TMEM121B: variants seen among roughly 807,000 people sequenced by gnomAD.
The protein encoded by TMEM121B is cat eye syndrome chromosome region, candidate 6.
In TMEM121B, 14 loss-of-function variants were observed where a neutral mutation model predicts 25.1. The observed-to-expected ratio is 0.56, with a 90% CI of 0.37 to 0.87. The LOEUF (loss-of-function observed/expected upper bound fraction) is 0.87. TMEM121B is among the 40% of genes least tolerant of loss of function. The probability of loss-of-function intolerance (pLI) is 0.00; values close to 1 mark genes in which losing one functional copy is unlikely to be tolerated. For synonymous variants in TMEM121B, 458 were observed against 420.9 expected (o/e 1.09, Z -1.08); for missense variants, 850 against 854.6 (o/e 0.99, Z 0.07).
chr22:17,120,336 G>A lies in TMEM121B; in HGVS notation c.792C>T (p.His264=), dbSNP rs764391754. The A allele has an allele frequency of 6.6e-7, 1 of 1,526,096 alleles. No individual in the cohort carries two copies. Among genetic ancestry groups the A allele is most frequent in the Non-Finnish European group, 8.7e-7 (1 of 1,143,642 alleles). The allele number at this position is 1,526,096 out of a possible 1,614,324, so 94.5% of individuals were successfully genotyped here. A position where few individuals can be genotyped will look rare whatever the true frequency, so the allele number is the denominator to read the frequency against. ...GCGGCGCGGCGTGGTGGTGGTGCAG[G>A]TGGTGGTTGTGCGCGCCGCTGGCTG... ...GGAASGAHNH[H]LHHHHAAPPL... Residue 264 remains histidine, a synonymous_variant, in exon 1 of 1, where the codon CAC becomes CAT. Coordinates refer to ENST00000331437, the MANE Select transcript of TMEM121B (RefSeq NM_031890.4).
Position 17,119,938 on chromosome 22 carries a change from A to G in TMEM121B, c.1190T>C (p.Leu397Pro), listed in dbSNP as rs2061489183. ...PQRHRAAGCF[L>P]GTCLDLLDSF... ...GTCGAGCAGGTCCAAGCACGTGCCCAGGAAGCATCCGGCCGCGCGGTGCCG... is the reference window on the plus strand; with the variant it reads ...GTCGAGCAGGTCCAAGCACGTGCCCGGGAAGCATCCGGCCGCGCGGTGCCG... The change falls in exon 1 of 1, where the codon CTG becomes CCG. Residue 397 changes from leucine (L) to proline (P), a missense_variant. Transcript: ENST00000331437. 6.4e-7 allele frequency: 1 copy of G among 1,572,790 alleles called. No individual in the cohort carries two copies. The highest frequency in any genetic ancestry group is 8.6e-7 in the Non-Finnish European group (1 of 1,165,302).
chr22:17,120,944 C>T lies in TMEM121B; in HGVS notation c.184G>A (p.Gly62Ser). The change falls in exon 1 of 1, where the codon GGC (glycine) becomes AGC (serine). Residue 62 changes from glycine to serine, a missense_variant. By Grantham distance (56) the Gly-to-Ser change is moderately conservative (BLOSUM62 0). Transcript: ENST00000331437. ...TSRGGGGGRR[G>S]GGGGSPSSST... ...CTGCTCGGGGAGCCGCCGCCCCCGC[C>T]GCGTCTGCCGCCGCCTCCCCCGCGG... 3 of 1,413,694 alleles carry T rather than the reference C, an allele frequency of 2.1e-6. No homozygotes were observed. The highest frequency in any genetic ancestry group is 2.8e-6 in the Non-Finnish European group (3 of 1,085,760). 87.6% of individuals were successfully genotyped at this position (1,413,694 alleles called of 1,614,324 possible).
Position 17,121,081 on chromosome 22 carries a change from C to G in TMEM121B, c.47G>C (p.Gly16Ala). ...GGCTGCCGGGGGCGGCGGGAAGGAA[C>G]CGGACGCGGAGGAGACCGAGCGAGG... ...GHPRSVSSAS[G>A]SFPPPPAAAR... The change falls in exon 1 of 1, where the codon GGT (glycine) becomes GCT (alanine). Residue 16 changes from glycine to alanine, a missense_variant. By Grantham distance (60) the Gly-to-Ala change is moderately conservative. Coordinates refer to ENST00000331437, the MANE Select transcript of TMEM121B (RefSeq NM_031890.4). 6.9e-7 allele frequency: 1 copy of G among 1,446,200 alleles called. No homozygotes were observed. The highest frequency in any genetic ancestry group is 9.1e-7 in the Non-Finnish European group (1 of 1,100,040). The allele number at this position is 1,446,200 out of a possible 1,614,324, so 89.6% of individuals were successfully genotyped here.
chr22:17,120,964 C>A lies in TMEM121B; in HGVS notation c.164G>T (p.Gly55Val). Residue 55 changes from glycine (G) to valine (V), a missense_variant, in exon 1 of 1, where the codon GGG (glycine) becomes GTG (valine). By Grantham distance (109) the Gly-to-Val change is moderately radical (BLOSUM62 -3). Transcript: ENST00000331437. ...CCCGCCGCGTCTGCCGCCGCCTCCC[C>A]CGCGGCTGGTGCTGGTGCTGGTGCT... ...DSSTSTSTSR[G>V]GGGGRRGGGG... The A allele has an allele frequency of 7.0e-7, 1 of 1,426,468 alleles. No homozygotes were observed. Among genetic ancestry groups the A allele is most frequent in the Admixed American group, 2.7e-5 (1 of 37,064 alleles). The allele number at this position is 1,426,468 out of a possible 1,614,324, so 88.4% of individuals were successfully genotyped here.
In TMEM121B at chr22:17,119,969, G is replaced by A; in HGVS notation, c.1159C>T (p.Pro387Ser). The A allele has an allele frequency of 6.3e-7, 1 of 1,585,944 alleles. No homozygotes were observed. Among genetic ancestry groups the A allele is most frequent in the Non-Finnish European group, 8.5e-7 (1 of 1,171,010 alleles). The change falls in exon 1 of 1, where the codon CCC becomes TCC. Residue 387 changes from proline to serine, a missense_variant. Transcript: ENST00000331437. ...PGSAGPLLLQ[P>S]QRHRAAGCFL... is the part of the protein sequence containing the mutation. Reference sequence around the variant, plus strand: ...CATCCGGCCGCGCGGTGCCGCTGGGGCTGCAGCAGCAGGGGTCCTGCCGAT... The same window carrying A: ...CATCCGGCCGCGCGGTGCCGCTGGGACTGCAGCAGCAGGGGTCCTGCCGAT...
At position 17,119,817 on chromosome 22, in the gene TMEM121B, G is replaced by A. The variant is rs1601359350; in HGVS notation, c.1311C>T (p.Ala437=). The A allele has an allele frequency of 2.5e-6, 4 of 1,588,368 alleles. No homozygotes were observed. In the Admixed American group the frequency reaches 5.1e-5, roughly 20 times the overall value. The change falls in exon 1 of 1, where the codon GCC becomes GCT. Residue 437 remains alanine, a synonymous_variant. Transcript: ENST00000331437. ...LLIAVYFLTL[A]SPVLWLYELN... ...GCTCGTAGAGCCAGAGCACCGGCGA[G>A]GCGAGGGTGAGGAAGTAGACGGCGA...
Position 17,120,563 on chromosome 22 carries a change from C to G in TMEM121B, c.565G>C (p.Gly189Arg). The change falls in exon 1 of 1, where the codon GGC (glycine) becomes CGC (arginine). Residue 189 changes from glycine (G) to arginine (R), a missense_variant. Coordinates refer to ENST00000331437, the MANE Select transcript of TMEM121B (RefSeq NM_031890.4). ...CGGCACCTGGGACTGGGGGCGCAGC[C>G]GCGGCGCCGACCTCTGCGGCCGGGG... is the stretch of plus-strand genomic sequence containing the variant. ...DRPGRRGRRR[G>R]CAPSPRCRWG... 1 of 1,491,158 alleles carries G rather than the reference C, an allele frequency of 6.7e-7. No homozygotes were observed. Among genetic ancestry groups the G allele is most frequent in the African/African-American group, 1.4e-5 (1 of 69,260 alleles). 92.4% of individuals were successfully genotyped at this position (1,491,158 alleles called of 1,614,324 possible).
chr22:17,118,208 C>T lies in TMEM121B; in HGVS notation c.*1183G>A, dbSNP rs1244847172. On this transcript the variant is annotated 3_prime_UTR_variant, in exon 1 of 1. Transcript: ENST00000331437. ...GAAAGTTCTGCAGCCTGCCTTGGCC[C>T]TAGTGAGACTCTTAACCAGACCAGA... 2 of 152,222 alleles carry T rather than the reference C, an allele frequency of 1.3e-5. No individual in the cohort carries two copies. 9.4% of individuals were successfully genotyped at this position (152,222 alleles called of 1,614,324 possible).
In TMEM121B at chr22:17,119,424, A is replaced by G; in HGVS notation, c.1704T>C (p.Tyr568=). The G allele has an allele frequency of 1.2e-6, 2 of 1,607,684 alleles. No individual in the cohort carries two copies. Among genetic ancestry groups the G allele is most frequent in the East Asian group, 2.2e-5 (1 of 44,494 alleles). ...GAGAGGCCACAGCCAGGGTGTTGAC[A>G]TAGCCATGAGCACCCCCCTCGTTCT... ...ISENEGGAHG[Y]VNTLAVASQN is the part of the protein sequence containing the mutation. Residue 568 remains tyrosine (Y), a synonymous_variant, in exon 1 of 1, where the codon TAT becomes TAC. Coordinates refer to ENST00000331437, the MANE Select transcript of TMEM121B (RefSeq NM_031890.4).
Position 17,118,328 on chromosome 22 carries a change from C to G in TMEM121B, c.*1063G>C, listed in dbSNP as rs2061479175. 6.6e-6 allele frequency: 1 copy of G among 152,222 alleles called. No individual in the cohort carries two copies. 9.4% of individuals were successfully genotyped at this position (152,222 alleles called of 1,614,324 possible). On this transcript the variant is annotated 3_prime_UTR_variant, in exon 1 of 1. Coordinates refer to ENST00000331437, the MANE Select transcript of TMEM121B (RefSeq NM_031890.4). The stretch of plus-strand genomic sequence containing the variant: ...CCTACTCCCTTGGGCCCATGGGAGG[C>G]CCAACTTCACATCCATCCAGGAAAC...
In TMEM121B at chr22:17,119,567, G is replaced by A. The variant is rs1196287317; in HGVS notation, c.1561C>T (p.Arg521Trp). 1.9e-6 allele frequency: 3 copies of A among 1,551,068 alleles called. No homozygotes were observed. The highest frequency in any genetic ancestry group is 2.6e-6 in the Non-Finnish European group (3 of 1,149,432). ...GLEALEGCWD[R>W]GNRASPSRAR... is the part of the protein sequence containing the mutation. ...CGACTCGGGGAGGCCCGATTGCCCC[G>A]GTCCCAGCAGCCCTCCAGGGCCTCC... is the stretch of plus-strand genomic sequence containing the variant. The change falls in exon 1 of 1, where the codon CGG becomes TGG. Residue 521 changes from arginine (R) to tryptophan (W), a missense_variant. Arg to Trp is a moderately radical substitution (Grantham distance 101). Coordinates refer to ENST00000331437, the MANE Select transcript of TMEM121B (RefSeq NM_031890.4).
rs1437143957 is a variant in TMEM121B, at chr22:17,117,331, T to TTG, written c.*2058_*2059dup. ...TAGGGTGAGGGACTGGAAGCACAGA[T>TTG]TGTGCATGGAGTGTAAACATTTTCC... On this transcript the variant is annotated 3_prime_UTR_variant, in exon 1 of 1. Coordinates refer to ENST00000331437, the MANE Select transcript of TMEM121B (RefSeq NM_031890.4). 6.5e-6 allele frequency: 1 copy of TTG among 152,736 alleles called. No homozygotes were observed. The highest frequency in any genetic ancestry group is 1.5e-5 in the Non-Finnish European group (1 of 68,092). The allele number at this position is 152,736 out of a possible 1,614,324, so 9.5% of individuals were successfully genotyped here. A position where few individuals can be genotyped will look rare whatever the true frequency, so the allele number is the denominator to read the frequency against.
Position 17,119,579 on chromosome 22 carries a change from C to T in TMEM121B, c.1549G>A (p.Gly517Ser). The T allele has an allele frequency of 6.5e-7, 1 of 1,548,072 alleles. No homozygotes were observed. Among genetic ancestry groups the T allele is most frequent in the Non-Finnish European group, 8.7e-7 (1 of 1,148,726 alleles). Residue 517 changes from glycine to serine, a missense_variant, in exon 1 of 1, where the codon GGC becomes AGC. Gly to Ser is a moderately conservative substitution (Grantham distance 56). Coordinates refer to ENST00000331437, the MANE Select transcript of TMEM121B (RefSeq NM_031890.4). ...GCCCGATTGCCCCGGTCCCAGCAGC[C>T]CTCCAGGGCCTCCAGGCCCCGGCAG... is the stretch of plus-strand genomic sequence containing the variant. ...LGCRGLEALE[G>S]CWDRGNRASP...
At position 17,118,406 on chromosome 22, in the gene TMEM121B, C is replaced by T. The variant is rs1390689505; in HGVS notation, c.*985G>A. ...ATCCGACCCAGTCGGCACCAAACCA[C>T]AGGAAGGATAAGAGTTCTAGGTGCA... On this transcript the variant is annotated 3_prime_UTR_variant, in exon 1 of 1. Coordinates refer to ENST00000331437, the MANE Select transcript of TMEM121B (RefSeq NM_031890.4). 6.6e-6 allele frequency: 1 copy of T among 152,516 alleles called. No individual in the cohort carries two copies. The highest frequency in any genetic ancestry group is 1.5e-5 in the Non-Finnish European group (1 of 68,096). The allele number at this position is 152,516 out of a possible 1,614,324, so 9.4% of individuals were successfully genotyped here. A position where few individuals can be genotyped will look rare whatever the true frequency, so the allele number is the denominator to read the frequency against.
Position 17,120,801 on chromosome 22 carries a change from C to G in TMEM121B, c.327G>C (p.Ala109=), listed in dbSNP as rs1185210040. Residue 109 remains alanine, a synonymous_variant, in exon 1 of 1, where the codon GCG becomes GCC. Transcript: ENST00000331437. ...CCGCTGAGGAGGAGAAGGCGACAGG[C>G]GCGGGGCCGGCGGGGGCGCCCACCT... ...PAQVGAPAGP[A]PVAFSSSAAT... 8.1e-7 allele frequency: 1 copy of G among 1,240,460 alleles called. No individual in the cohort carries two copies. Among genetic ancestry groups the G allele is most frequent in the Non-Finnish European group, 1.0e-6 (1 of 993,202 alleles). 76.8% of individuals were successfully genotyped at this position (1,240,460 alleles called of 1,614,324 possible). A position where few individuals can be genotyped will look rare whatever the true frequency, so the allele number is the denominator to read the frequency against.
chr22:17,120,538 C>A lies in TMEM121B; in HGVS notation c.590G>T (p.Arg197Leu), dbSNP rs1429602156. The change falls in exon 1 of 1, where the codon CGC (arginine) becomes CTC (leucine). Residue 197 changes from arginine to leucine, a missense_variant. Arg to Leu is a moderately radical substitution (Grantham distance 102). Transcript: ENST00000331437. The stretch of plus-strand genomic sequence containing the variant: ...CACGGACAGCGCCTGGTAGCCCCAG[C>A]GGCACCTGGGACTGGGGGCGCAGCC... ...RRGCAPSPRC[R>L]WGYQALSVVL... 3 of 1,542,400 alleles carry A rather than the reference C, an allele frequency of 1.9e-6. No homozygotes were observed. The highest frequency in any genetic ancestry group is 1.4e-5 in the African/African-American group (1 of 71,222).
At position 17,121,201 on chromosome 22, in the gene TMEM121B, C is replaced by G. The variant is rs1477571870; in HGVS notation, c.-74G>C. 1 of 1,245,390 alleles carries G rather than the reference C, an allele frequency of 8.0e-7. No homozygotes were observed. Among genetic ancestry groups the G allele is most frequent in the African/African-American group, 1.6e-5 (1 of 63,620 alleles). 77.1% of individuals were successfully genotyped at this position (1,245,390 alleles called of 1,614,324 possible). A position where few individuals can be genotyped will look rare whatever the true frequency, so the allele number is the denominator to read the frequency against. On this transcript the variant is annotated 5_prime_UTR_variant, in exon 1 of 1. Transcript: ENST00000331437. ...CCCCGGGCGGGCGAGGCGGGCTAGG[C>G]GGCCGAGGGGAGCCGGGGCCCGCCG...
chr22:17,120,185 A>G lies in TMEM121B; in HGVS notation c.943T>C (p.Tyr315His). The G allele has an allele frequency of 7.1e-6, 11 of 1,539,368 alleles. No homozygotes were observed. The highest frequency in any genetic ancestry group is 9.6e-6 in the Non-Finnish European group (11 of 1,145,948). The change falls in exon 1 of 1, where the codon TAC (tyrosine) becomes CAC (histidine). Residue 315 changes from tyrosine (Y) to histidine (H), a missense_variant. Transcript: ENST00000331437. ...ATGGAGTAGATAAGCCAGGCCAGGT[A>G]GGCGAAGGCGAACTCGCCCGCTGCC... ...AAAAGEFAFA[Y>H]LAWLIYSIAF...
At position 17,120,589 on chromosome 22, in the gene TMEM121B, C is replaced by A. The variant is rs947487700; in HGVS notation, c.539G>T (p.Arg180Leu). The change falls in exon 1 of 1, where the codon CGC becomes CTC. Residue 180 changes from arginine to leucine, a missense_variant. Transcript: ENST00000331437. ...GCGGCGCCGACCTCTGCGGCCGGGGCGGTCTGGGCAGCCGCAGCAGCAGCA... is the reference window on the plus strand; with the variant it reads ...GCGGCGCCGACCTCTGCGGCCGGGGAGGTCTGGGCAGCCGCAGCAGCAGCA... Reference protein sequence around the residue: ...PCCCCCGCPDRPGRRGRRRGC... With the variant: ...PCCCCCGCPDLPGRRGRRRGC... 2.1e-6 allele frequency: 3 copies of A among 1,414,058 alleles called. No individual in the cohort carries two copies. The highest frequency in any genetic ancestry group is 3.0e-5 in the African/African-American group (2 of 66,382). 87.6% of individuals were successfully genotyped at this position (1,414,058 alleles called of 1,614,324 possible).
Sources: allele counts gnomAD v4.1 joint callset, GRCh38; gene constraint gnomAD v4.1.1; transcripts MANE v1.5; gene names NCBI Gene and HGNC (gene_info 2026-07-23, HGNC 2026-07-21).